Variants in IL3RA observed in about 807,000 individuals in gnomAD.
IL3RA encodes interleukin 3 receptor subunit alpha, also known as interleukin-3 receptor subunit alpha.
Under a neutral mutation model 52.3 loss-of-function variants are expected in IL3RA, and 73 were observed. The ratio of observed to expected loss-of-function variants is 1.40; its 90% confidence interval spans 1.16 to 1.70. The LOEUF (loss-of-function observed/expected upper bound fraction) is 1.70, where lower values mean the gene tolerates loss of function less well. Among genes scored for constraint, IL3RA ranks in the 40% most tolerant of loss-of-function variants. The pLI is 0.00. For synonymous variants in IL3RA, 260 were observed against 194.0 expected (o/e 1.34, Z -2.83); for missense variants, 664 against 504.4 (o/e 1.32, Z -3.03).
chrX:1,381,072 C>T lies in IL3RA; in HGVS notation c.1030C>T (p.Pro344Ser), dbSNP rs1427934071. ...LFPRIPHMKD[P>S]IGDSFQNDKL... is the part of the protein sequence containing the mutation. ...TCCCCGCATCCCTCACATGAAAGAC[C>T]CCATCGGTGACAGCTTCCAAAACGA... The change falls in exon 11 of 12, where the codon CCC (proline) becomes TCC (serine). Residue 344 changes from proline (P) to serine (S), a missense_variant. Pro to Ser is a moderately conservative substitution (Grantham distance 74). Transcript: ENST00000331035. 7 of 1,613,690 alleles carry T rather than the reference C, an allele frequency of 4.3e-6. No individual in the cohort carries two copies. The Admixed American group carries it at 1.2e-4, about 27-fold the overall frequency.
At chrX:1,349,416 G>A (rs376792167) in intron 4 of IL3RA, among the ~76,000 whole-genome samples, 9 of 151,746 alleles carry the variant, frequency 5.9e-5, no homozygotes, top group African/African-American at 1.5e-4. Context: ...TCCTGACTTC[G>A]TGATCTGCCC....
At chrX:1,346,509 A>C (rs2085749687) in intron 3 of IL3RA, among the ~76,000 whole-genome samples, 1 of 151,910 alleles carries the variant, frequency 6.6e-6, no homozygotes. Flanking sequence ...CAGGAGGCTG[A>C]GGCAGGAGAA....
rs373582225 is a variant in IL3RA at position 1,347,507 on chromosome X, C to T, written c.184-924C>T. Among the ~76,000 whole-genome samples the T allele has an allele frequency of 1.8e-4, 28 of 151,488 alleles. 1 individual carries two copies. Among genetic ancestry groups the T allele is most frequent in the African/African-American group, 3.6e-4 (15 of 41,172 alleles). On this transcript the variant is annotated intron_variant, in intron 3 of 11. Transcript: ENST00000331035. ...TACAAGTAGATTAATGAAATGTGGCCGGGTGCGGTGGTGAGGCAGGAGAAT... is the reference window on the plus strand; with the variant it reads ...TACAAGTAGATTAATGAAATGTGGCTGGGTGCGGTGGTGAGGCAGGAGAAT...
intron 1 of IL3RA, among the ~76,000 whole-genome samples, chrX:1,341,507 C>G (rs2085491312): frequency 6.6e-6 from 1 of 151,558 alleles, no homozygotes. Flanking sequence ...TGTACACACA[C>G]ACGAATATTC....
intron 8 of IL3RA, among the ~76,000 whole-genome samples, chrX:1,363,114 T>C (rs866966911): frequency 2.5e-4 from 37 of 149,694 alleles, no homozygotes; most frequent in Admixed American, 1.1e-3. Context: ...TCATTGCATT[T>C]AGGGCCCCCC....
At chrX:1,343,866 GCTCA>G (rs1422926782) in intron 2 of IL3RA, among the ~76,000 whole-genome samples, 5 of 147,514 alleles carry the variant, frequency 3.4e-5, no homozygotes, top group African/African-American at 1.2e-4. Flanking sequence ...CACGATCTCA[GCTCA>G]CCGCAACCTC....
At chrX:1,351,549 G>C (rs771731288) in intron 4 of IL3RA, among the ~76,000 whole-genome samples, 55 of 151,364 alleles carry the variant, frequency 3.6e-4, no homozygotes, top group African/African-American at 1.3e-3. Flanking sequence ...GGCCGGTCTC[G>C]AACTCCGGAC....
chrX:1,361,269 C>G (rs1202835579), intron 8 of IL3RA, among the ~76,000 whole-genome samples: 3 of 146,872 alleles, frequency 2.0e-5, no homozygotes, highest in Non-Finnish European at 4.4e-5. Flanking sequence ...CTTTCTCTGC[C>G]TCTGTCTGTC....
chrX:1,354,629 AAG>A (rs1348578321), intron 6 of IL3RA, among the ~76,000 whole-genome samples: 66 of 52,220 alleles, frequency 1.3e-3, no homozygotes, highest in Non-Finnish European at 1.8e-3. Flanking sequence ...AAAATGGAGA[AAG>A]AGGAGGGGGA....
chrX:1,381,981 G>A (rs1288515537), intron 11 of IL3RA, among the ~76,000 whole-genome samples: 8 of 151,180 alleles, frequency 5.3e-5, no homozygotes, highest in East Asian at 2.0e-4. Flanking sequence ...AGTTTTGTTC[G>A]TTGCCCCGGC....
chrX:1,363,331 C>G (rs1332181599), intron 8 of IL3RA, among the ~76,000 whole-genome samples: 6 of 140,930 alleles, frequency 4.3e-5, no homozygotes, highest in East Asian at 4.4e-4. Context: ...GACGGAGTCT[C>G]GCTCTGTCAC....
At chrX:1,366,664 CCCGGGTGAGCGGGGTGCGCGGGGTGAG>C (rs2088084421) in intron 9 of IL3RA, among the ~76,000 whole-genome samples, 1 of 4,140 alleles carries the variant, frequency 2.4e-4, no homozygotes, top group Non-Finnish European at 3.7e-4. Flanking sequence ...AGCCGGGTGC[CCCGGGTGAGCGGGGTGCGCGGGGTGAG>C]CCGGGTGCGC....
At chrX:1,363,071 C>T (rs1242139729) in intron 8 of IL3RA, among the ~76,000 whole-genome samples, 2 of 151,664 alleles carry the variant, frequency 1.3e-5, no homozygotes, top group Non-Finnish European at 2.9e-5. Context: ...CCACCGCGCC[C>T]GGCCACGTCT....
At chrX:1,343,798 G>GT (rs1457244642) in intron 2 of IL3RA, among the ~76,000 whole-genome samples, 60 of 130,090 alleles carry the variant, frequency 4.6e-4, no homozygotes, top group Non-Finnish European at 6.8e-4. Flanking sequence ...TTGAGACGGA[G>GT]TTTTTTTGTT....
intron 9 of IL3RA, among the ~76,000 whole-genome samples, chrX:1,367,527 C>CGCGGCGTGA (rs2088198163): frequency 1.8e-5 from 1 of 56,938 alleles, no homozygotes; most frequent in African/African-American, 9.3e-5. Flanking sequence ...GCGCGGGGTG[C>CGCGGCGTGA]GCGGGGTGCG....
intron 6 of IL3RA, among the ~76,000 whole-genome samples, chrX:1,355,465 A>AGGGGGAGGAGGGGGAGGT (rs1298940826): frequency 1.0e-4 from 2 of 19,382 alleles, no homozygotes; most frequent in African/African-American, 4.3e-4. Context: ...GGGTAGGAGG[A>AGGGGGAGGAGGGGGAGGT]GGGGGAGGAG....
At chrX:1,357,563 C>CGGCTG (rs2086834257) in intron 7 of IL3RA, among the ~76,000 whole-genome samples, 1 of 150,942 alleles carries the variant, frequency 6.6e-6, no homozygotes, top group African/African-American at 2.4e-5. Flanking sequence ...GGGGTTTCAC[C>CGGCTG]ATCTTGTCCT....
intron 6 of IL3RA, among the ~76,000 whole-genome samples, chrX:1,354,796 A>AG (rs2086515937): frequency 1.2e-5 from 1 of 80,920 alleles, no homozygotes; most frequent in Non-Finnish European, 2.3e-5. Context: ...AAGGAGGAGG[A>AG]GAGGGTGGAG....
intron 8 of IL3RA, among the ~76,000 whole-genome samples, chrX:1,359,861 C>G (rs2087056186): frequency 6.8e-6 from 1 of 146,888 alleles, no homozygotes; most frequent in African/African-American, 2.5e-5. Flanking sequence ...CCATCTCTTT[C>G]TCTGTGTCTG....
Sources: gnomAD v4.1 joint callset for allele counts (sites outside exome capture counted in the v4.1 genomes callset) on GRCh38, gnomAD v4.1.1 for gene constraint, MANE v1.5 for transcripts, NCBI Gene and HGNC (gene_info 2026-07-23, HGNC 2026-07-21) for gene names.